NALF1: variants seen among roughly 807,000 people sequenced by gnomAD.
NALF1 encodes NALCN channel auxiliary factor 1, also known as family with sequence similarity 155 member A.
A neutral mutation model predicts 48.4 loss-of-function variants in NALF1; 3 were observed. The observed-to-expected ratio is 0.06, with a 90% CI of 0.03 to 0.16. The LOEUF (loss-of-function observed/expected upper bound fraction) is 0.16, where lower values mean the gene tolerates loss of function less well. NALF1 is among the 10% of genes least tolerant of loss of function. The pLI is 1.00. For missense variants in NALF1, 526 were observed against 571.5 expected (o/e 0.92, Z 0.81); for synonymous variants, 262 against 245.7 (o/e 1.07, Z -0.62).
At chr13:107,808,584 A>C (rs1015995549) in intron 1 of NALF1, among the ~76,000 whole-genome samples, 4 of 152,004 alleles carry the variant, frequency 2.6e-5, no homozygotes, top group African/African-American at 4.8e-5. Context: ...AAGAAAGTGT[A>C]GCTGAAAGAG....
In NALF1 at chr13:107,272,501, A is replaced by G. The variant is rs1194537220; in HGVS notation, c.916-61746T>C. Among the ~76,000 whole-genome samples the G allele has an allele frequency of 2.0e-5, 3 of 150,952 alleles. 1 individual carries two copies. Among genetic ancestry groups the G allele is most frequent in the Non-Finnish European group, 3.0e-5 (2 of 67,772 alleles). Reference sequence around the variant, plus strand: ...AGTGCTGGGATTACAGGCGTGAGCCACCGCGCCCGGCCTAGAATTTTTTAA... The same window carrying G: ...AGTGCTGGGATTACAGGCGTGAGCCGCCGCGCCCGGCCTAGAATTTTTTAA... On this transcript the variant is annotated intron_variant, in intron 1 of 2. Coordinates refer to ENST00000375915, the MANE Select transcript of NALF1 (RefSeq NM_001080396.3).
chr13:107,828,744 A>G (rs1234444148), intron 1 of NALF1, among the ~76,000 whole-genome samples: 1 of 152,172 alleles, frequency 6.6e-6, no homozygotes, highest in African/African-American at 2.4e-5. Flanking sequence ...AGAAGCAAAT[A>G]AAACAATAAT....
At chr13:107,691,371 T>C (rs1245447887) in intron 1 of NALF1, among the ~76,000 whole-genome samples, 1 of 152,218 alleles carries the variant, frequency 6.6e-6, no homozygotes, top group African/African-American at 2.4e-5. Flanking sequence ...GACACTTCGC[T>C]ACAGCAGCCC....
chr13:107,544,060 T>A (rs2016115735), intron 1 of NALF1, among the ~76,000 whole-genome samples: 1 of 152,150 alleles, frequency 6.6e-6, no homozygotes, highest in South Asian at 2.1e-4. Context: ...ATAATGTATT[T>A]TGATACTCAA....
intron 1 of NALF1, among the ~76,000 whole-genome samples, chr13:107,395,933 A>G (rs138255610): frequency 6.6e-6 from 1 of 152,216 alleles, no homozygotes; most frequent in East Asian, 1.9e-4. Context: ...ATCTACACAT[A>G]TAGTTACATT....
intron 1 of NALF1, among the ~76,000 whole-genome samples, chr13:107,306,892 G>A (rs939410550): frequency 6.6e-6 from 1 of 152,160 alleles, no homozygotes; most frequent in African/African-American, 2.4e-5. Context: ...TTGAGCCCGG[G>A]AGGTCGGGTG....
At chr13:107,745,821 G>T (rs1261830837) in intron 1 of NALF1, among the ~76,000 whole-genome samples, 4 of 152,122 alleles carry the variant, frequency 2.6e-5, no homozygotes, top group Non-Finnish European at 5.9e-5. Context: ...GTTCTCATGA[G>T]ATCTGATGGT....
At chr13:107,368,643 C>G (rs1265424682) in intron 1 of NALF1, among the ~76,000 whole-genome samples, 1 of 152,232 alleles carries the variant, frequency 6.6e-6, no homozygotes, top group Non-Finnish European at 1.5e-5. Context: ...GCCCTCCTCT[C>G]TGTGTCTTCT....
At position 107,555,365 on chromosome 13, in the gene NALF1, C is replaced by A. The variant is rs181281817; in HGVS notation, c.915+310317G>T. Among the ~76,000 whole-genome samples the A allele has an allele frequency of 1.1e-4, 17 of 151,146 alleles. No individual in the cohort carries two copies. The East Asian group carries it at 3.1e-3, about 28-fold the overall frequency. ...TCAGCTCACTGCAACCTCCGCCTCC[C>A]GGGTTCAAGAAATTCTCCTGCCTCA... On this transcript the variant is annotated intron_variant, in intron 1 of 2. Coordinates refer to ENST00000375915, the MANE Select transcript of NALF1 (RefSeq NM_001080396.3).
chr13:107,757,602 T>C (rs1877146467), intron 1 of NALF1, among the ~76,000 whole-genome samples: 1 of 152,120 alleles, frequency 6.6e-6, no homozygotes. Flanking sequence ...GTTTCTATTA[T>C]TTTGAAAAAC....
chr13:107,821,070 T>C (rs1236490589), intron 1 of NALF1, among the ~76,000 whole-genome samples: 2 of 152,128 alleles, frequency 1.3e-5, no homozygotes, highest in Non-Finnish European at 2.9e-5. Flanking sequence ...TCAGGAAAAA[T>C]TGGTCTCTAG....
chr13:107,471,535 C>T (rs765929250), intron 1 of NALF1, among the ~76,000 whole-genome samples: 10 of 152,044 alleles, frequency 6.6e-5, no homozygotes, highest in Middle Eastern at 6.8e-3. Flanking sequence ...AGTGCCATGG[C>T]GTGGATATTA....
At chr13:107,183,644 C>T (rs1879112331) in intron 2 of NALF1, among the ~76,000 whole-genome samples, 1 of 152,156 alleles carries the variant, frequency 6.6e-6, no homozygotes, top group South Asian at 2.1e-4. Flanking sequence ...ACATATACAC[C>T]ATGGAATACT....
At chr13:107,581,249 TG>T (rs1239794361) in intron 1 of NALF1, among the ~76,000 whole-genome samples, 1 of 152,174 alleles carries the variant, frequency 6.6e-6, no homozygotes, top group Non-Finnish European at 1.5e-5. Context: ...TATGCAAATG[TG>T]ACCATGTGAT....
At chr13:107,574,061 A>G (rs1161544165) in intron 1 of NALF1, among the ~76,000 whole-genome samples, 1 of 152,118 alleles carries the variant, frequency 6.6e-6, no homozygotes, top group African/African-American at 2.4e-5. Flanking sequence ...ATAAAGGTAT[A>G]TGGTATTTAG....
chr13:107,651,781 AT>A (rs1236549964), intron 1 of NALF1, among the ~76,000 whole-genome samples: 6 of 152,266 alleles, frequency 3.9e-5, no homozygotes, highest in African/African-American at 1.4e-4. Flanking sequence ...ACACTTGAGG[AT>A]TACTACAGTT....
intron 1 of NALF1, among the ~76,000 whole-genome samples, chr13:107,446,317 A>T (rs1884649798): frequency 1.3e-5 from 2 of 151,928 alleles, no homozygotes; most frequent in South Asian, 4.2e-4. Context: ...CTATTTCCTA[A>T]ACATTTTTTG....
chr13:107,543,618 T>A (rs1877053033), intron 1 of NALF1, among the ~76,000 whole-genome samples: 2 of 151,988 alleles, frequency 1.3e-5, no homozygotes, highest in African/African-American at 4.8e-5. Flanking sequence ...ATCACACAGT[T>A]GAAACAGTGT....
intron 1 of NALF1, among the ~76,000 whole-genome samples, chr13:107,574,586 T>C (rs1050765210): frequency 2.0e-5 from 3 of 152,194 alleles, no homozygotes; most frequent in Admixed American, 6.5e-5. Context: ...ACTTCTGCAT[T>C]AAAAGCACTT....
Sources: gnomAD v4.1 joint callset for allele counts (sites outside exome capture counted in the v4.1 genomes callset) on GRCh38, gnomAD v4.1.1 for gene constraint, MANE v1.5 for transcripts, NCBI Gene and HGNC (gene_info 2026-07-23, HGNC 2026-07-21) for gene names.